The following NEMP2 variants were observed in gnomAD, a reference collection of about 807,000 sequenced individuals.
The protein encoded by NEMP2 is UPF0571 transmembrane protein.
NEMP2 carries 53 observed loss-of-function variants against 54.2 expected under a neutral mutation model. The ratio of observed to expected loss-of-function variants is 0.98; its 90% CI spans 0.78 to 1.23. NEMP2 has a LOEUF of 1.23. Ranked by LOEUF, NEMP2 falls within the 50% of genes most tolerant of loss-of-function variation. The probability of loss-of-function intolerance (pLI) is 0.00; values close to 1 mark genes in which losing one functional copy is unlikely to be tolerated. For missense variants in NEMP2, 455 were observed against 511.3 expected (o/e 0.89, Z 1.06); for synonymous variants, 197 against 190.3 (o/e 1.04, Z -0.29).
the NEMP2 span, among the ~76,000 whole-genome samples, chr2:190,603,143 C>A: frequency 2.0e-5 from 3 of 151,964 alleles, no homozygotes; most frequent in Non-Finnish European, 4.4e-5. Flanking sequence ...AAATGTATGA[C>A]ATTTAAAATT....
the NEMP2 span, chr2:190,609,449 A>AC: frequency 2.6e-5 from 4 of 151,680 alleles, no homozygotes; most frequent in East Asian, 1.9e-4. This position sits in a 1 kb window ranked among gnomAD's most constrained non-coding sequence, Gnocchi z 4.7. Context: ...GTTTCTTCAG[A>AC]CCCCCCAATA....
the NEMP2 span, among the ~76,000 whole-genome samples, chr2:190,459,252 A>G: frequency 1.3e-5 from 2 of 152,184 alleles, no homozygotes; most frequent in Non-Finnish European, 2.9e-5. This position sits in a 1 kb window ranked among gnomAD's most constrained non-coding sequence, Gnocchi z 5.3. Context: ...GAACAGCAGG[A>G]TTAGTATCTG....
the NEMP2 span, among the ~76,000 whole-genome samples, chr2:190,449,436 T>C: frequency 1.7e-4 from 26 of 151,880 alleles, no homozygotes; most frequent in African/African-American, 6.3e-4. Flanking sequence ...ATGGCACCAC[T>C]GCACACCCGC....
At chr2:190,577,036 A>G in the NEMP2 span, among the ~76,000 whole-genome samples, 3 of 152,188 alleles carry the variant, frequency 2.0e-5, no homozygotes, top group Non-Finnish European at 4.4e-5. The surrounding 1 kb of genome is among the most constrained non-coding windows in gnomAD (Gnocchi z 4.8). Flanking sequence ...GAGGGATACA[A>G]TTTGGAAAGA....
At chr2:190,578,282 A>AG in the NEMP2 span, among the ~76,000 whole-genome samples, 192 of 152,330 alleles carry the variant, frequency 1.3e-3, 1 homozygote, top group African/African-American at 4.5e-3. The surrounding 1 kb of genome is among the most constrained non-coding windows in gnomAD (Gnocchi z 4.4). Context: ...GAATTTAAGG[A>AG]GGGAAAACAA....
the NEMP2 span, among the ~76,000 whole-genome samples, chr2:190,631,410 A>C: frequency 6.6e-6 from 1 of 152,224 alleles, no homozygotes; most frequent in Non-Finnish European, 1.5e-5. Context: ...CAAACCTTAG[A>C]CATTGTCAGA....
the NEMP2 span, among the ~76,000 whole-genome samples, chr2:190,461,091 C>T: frequency 6.6e-6 from 1 of 152,080 alleles, no homozygotes; most frequent in Non-Finnish European, 1.5e-5. The surrounding 1 kb of genome is among the most constrained non-coding windows in gnomAD (Gnocchi z 5.5). Context: ...ACCCAATCTC[C>T]CAAGAGTTTC....
chr2:190,544,299 G>A, the NEMP2 span, among the ~76,000 whole-genome samples: 1 of 151,974 alleles, frequency 6.6e-6, no homozygotes, highest in Non-Finnish European at 1.5e-5. Flanking sequence ...ATTTTAATAA[G>A]TCATGTCAAA....
chr2:190,500,063 G>C (rs1466125143), downstream of NEMP2: 1 of 1,614,094 alleles, frequency 6.2e-7, no homozygotes, highest in Non-Finnish European at 8.5e-7. This position sits in a 1 kb window ranked among gnomAD's most constrained non-coding sequence, Gnocchi z 5.3. Flanking sequence ...AGCCCAGCCT[G>C]TCCCATGTGA....
intron 1 of NEMP2, among the ~76,000 whole-genome samples, chr2:190,532,934 TTTTATCAA>T (rs2125355213): frequency 6.6e-6 from 1 of 152,270 alleles, no homozygotes; most frequent in East Asian, 1.9e-4. Flanking sequence ...TGTGGACTAG[TTTTATCAA>T]GTCAGTGGGC....
chr2:190,635,904 C>T, the NEMP2 span, among the ~76,000 whole-genome samples: 12 of 151,998 alleles, frequency 7.9e-5, no homozygotes, highest in African/African-American at 1.9e-4. The surrounding 1 kb of genome is among the most constrained non-coding windows in gnomAD (Gnocchi z 4.1). Context: ...TCTCACTCTG[C>T]GGCCCAGGCT....
chr2:190,596,649 T>C, the NEMP2 span, among the ~76,000 whole-genome samples: 1 of 152,226 alleles, frequency 6.6e-6, no homozygotes, highest in Admixed American at 6.5e-5. The surrounding 1 kb of genome is among the most constrained non-coding windows in gnomAD (Gnocchi z 5.1). Context: ...TCTTTTCATC[T>C]CTTCTAGCAA....
At chr2:190,632,422 A>T in the NEMP2 span, among the ~76,000 whole-genome samples, 1 of 152,272 alleles carries the variant, frequency 6.6e-6, no homozygotes, top group Non-Finnish European at 1.5e-5. The surrounding 1 kb of genome is among the most constrained non-coding windows in gnomAD (Gnocchi z 4.8). Context: ...TAACTTAGCC[A>T]CATGCTGTGC....
chr2:190,463,742 C>A, the NEMP2 span: 1 of 320,770 alleles, frequency 3.1e-6, no homozygotes, highest in East Asian at 1.7e-4. The surrounding 1 kb of genome is among the most constrained non-coding windows in gnomAD (Gnocchi z 4.4). Flanking sequence ...ATCACCTGGG[C>A]TCTGGTGGTC....
chr2:190,436,060 G>T, the NEMP2 span: 1 of 1,613,710 alleles, frequency 6.2e-7, no homozygotes. This position sits in a 1 kb window ranked among gnomAD's most constrained non-coding sequence, Gnocchi z 5.3. Flanking sequence ...TATCTTAACG[G>T]ATGATGAAGA....
At chr2:190,484,377 C>T in the NEMP2 span, among the ~76,000 whole-genome samples, 1 of 152,180 alleles carries the variant, frequency 6.6e-6, no homozygotes, top group Admixed American at 6.5e-5. Flanking sequence ...TCATCTACTG[C>T]TTTTTCACAG....
the NEMP2 span, among the ~76,000 whole-genome samples, chr2:190,476,369 C>A: frequency 5.9e-5 from 9 of 152,110 alleles, no homozygotes; most frequent in Admixed American, 5.9e-4. Flanking sequence ...AAGAAAAAAA[C>A]AACCCCATCA....
In NEMP2 at chr2:190,529,522, A is replaced by T. The variant is rs1246652471; in HGVS notation, c.98-4144T>A. Reference sequence around the variant, plus strand: ...AAGGCCTTCTTTGACCCCACTGTCTAAACAAACACACCCCAACCACTTCCA... The same window carrying T: ...AAGGCCTTCTTTGACCCCACTGTCTTAACAAACACACCCCAACCACTTCCA... On this transcript the variant is annotated intron_variant, in intron 1 of 8. Coordinates refer to ENST00000409150, the MANE Select transcript of NEMP2 (RefSeq NM_001142645.2). The surrounding 1 kb of genome is among the most constrained non-coding windows in gnomAD (Gnocchi z 4.7). 6.6e-6 allele frequency among the ~76,000 whole-genome samples: 1 copy of T among 152,206 alleles called. No individual in the cohort carries two copies. Among genetic ancestry groups the T allele is most frequent in the African/African-American group, 2.4e-5 (1 of 41,450 alleles).
intron 4 of NEMP2, among the ~76,000 whole-genome samples, chr2:190,518,309 T>A (rs1690635378): frequency 6.6e-6 from 1 of 152,184 alleles, no homozygotes; most frequent in African/African-American, 2.4e-5. Context: ...TTTGCTATAT[T>A]CAGCCTTCTG....
Sources: allele counts gnomAD v4.1 joint callset (sites outside exome capture counted in the v4.1 genomes callset), GRCh38; gene constraint gnomAD v4.1.1; non-coding constraint Gnocchi (gnomAD v3.1); transcripts MANE v1.5; gene names NCBI Gene and HGNC (gene_info 2026-07-23, HGNC 2026-07-21).